Variants in KCNQ4 observed in about 807,000 individuals in gnomAD.
KCNQ4 encodes the protein potassium voltage-gated channel subfamily Q member 4, also known as potassium voltage-gated channel subfamily KQT member 4.
In KCNQ4, 31 loss-of-function variants were observed where a neutral mutation model predicts 72.6. The observed-to-expected ratio is 0.43, with a 90% CI of 0.32 to 0.58. The LOEUF (loss-of-function observed/expected upper bound fraction) is 0.58. KCNQ4 is among the 20% of genes least tolerant of loss of function. The pLI is 0.08. For missense variants in KCNQ4, 869 were observed against 962.6 expected, an observed-to-expected ratio of 0.90 and a Z score of 1.29; for synonymous variants, 405 against 403.7, an observed-to-expected ratio of 1.00 and a Z score of -0.04.
At position 40,838,790 on chromosome 1, in the gene KCNQ4, C is replaced by G; in HGVS notation, c.*267C>G. 1 of 564,606 alleles carries G rather than the reference C, an allele frequency of 1.8e-6. No homozygotes were observed. The highest frequency in any genetic ancestry group is 3.0e-5 in the East Asian group (1 of 33,232). The allele number at this position is 564,606 out of a possible 1,614,324, so 35.0% of individuals were successfully genotyped here. ...GCCTCTGGGCCCCCCAGTGCCCTGCCCACTCCATCAAGGCCCTATGTGGCC... is the reference window on the plus strand; with the variant it reads ...GCCTCTGGGCCCCCCAGTGCCCTGCGCACTCCATCAAGGCCCTATGTGGCC... On this transcript the variant is annotated 3_prime_UTR_variant, in exon 14 of 14. Transcript: ENST00000347132.
At chr1:40,792,763 T>C (rs775771273) in intron 1 of KCNQ4, among the ~76,000 whole-genome samples, 4 of 152,012 alleles carry the variant, frequency 2.6e-5, no homozygotes, top group Middle Eastern at 3.4e-3. Flanking sequence ...TAGGTGGGGG[T>C]ATCAATCCCT....
intron 9 of KCNQ4, among the ~76,000 whole-genome samples, chr1:40,827,469 C>T (rs369564998): frequency 6.6e-6 from 1 of 152,064 alleles, no homozygotes; most frequent in African/African-American, 2.4e-5. Flanking sequence ...CCCAGTTTGG[C>T]CCCCCTGAGA....
Position 40,794,561 on chromosome 1 carries a change from C to T in KCNQ4, c.314+10154C>T, listed in dbSNP as rs560845115. Among the ~76,000 whole-genome samples, 11 of 152,314 alleles carry T rather than the reference C, an allele frequency of 7.2e-5. No individual in the cohort carries two copies. The highest frequency in any genetic ancestry group is 1.9e-4 in the African/African-American group (8 of 41,564). ...CCGAGCTCTAAATGGTTCTCAGCCT[C>T]GCCAGCTGACCCAAGGCAGTTTCCA... On this transcript the variant is annotated intron_variant, in intron 1 of 13. Coordinates refer to ENST00000347132, the MANE Select transcript of KCNQ4 (RefSeq NM_004700.4). This position sits in a 1 kb window ranked among gnomAD's most constrained non-coding sequence, Gnocchi z 4.2.
In KCNQ4 at chr1:40,817,456, G is replaced by A; in HGVS notation, c.405+101G>A. On this transcript the variant is annotated intron_variant, in intron 2 of 13. Coordinates refer to ENST00000347132, the MANE Select transcript of KCNQ4 (RefSeq NM_004700.4). This position sits in a 1 kb window ranked among gnomAD's most constrained non-coding sequence, Gnocchi z 5.5. ...GGGCTGTGTGAGGTAGCACCTCTGG[G>A]CTGGGAGTCCGGGACTGAAGGGGGC... 1 of 822,058 alleles carries A rather than the reference G, an allele frequency of 1.2e-6. No individual in the cohort carries two copies. The highest frequency in any genetic ancestry group is 1.9e-6 in the Non-Finnish European group (1 of 515,074). The allele number at this position is 822,058 out of a possible 1,614,324, so 50.9% of individuals were successfully genotyped here.
chr1:40,813,215 C>CT (rs1647978090), intron 1 of KCNQ4, among the ~76,000 whole-genome samples: 1 of 152,172 alleles, frequency 6.6e-6, no homozygotes, highest in African/African-American at 2.4e-5. Context: ...CTTTCCCTCT[C>CT]TAAGTGCGAT....
chr1:40,815,748 G>A (rs1026729891), intron 1 of KCNQ4, among the ~76,000 whole-genome samples: 2 of 152,176 alleles, frequency 1.3e-5, no homozygotes, highest in African/African-American at 2.4e-5. Context: ...GGAGGTGTAA[G>A]TGAGCCAGGG....
intron 1 of KCNQ4, among the ~76,000 whole-genome samples, chr1:40,789,266 A>G (rs1206334602): frequency 6.6e-6 from 1 of 152,102 alleles, no homozygotes; most frequent in Admixed American, 6.5e-5. Flanking sequence ...AGACACAGAA[A>G]GGGGCAGCTA....
At chr1:40,815,957 G>A (rs1648072752) in intron 1 of KCNQ4, among the ~76,000 whole-genome samples, 1 of 152,216 alleles carries the variant, frequency 6.6e-6, no homozygotes, top group Admixed American at 6.5e-5. Context: ...CATAGAAGGT[G>A]ACTTGGGCCA....
chr1:40,822,537 G>C (rs1236414759), intron 8 of KCNQ4, 135 bp downstream of exon 8: 1 of 688,536 alleles, frequency 1.5e-6, no homozygotes, highest in African/African-American at 1.8e-5. Flanking sequence ...TGGCTCTGCA[G>C]ATCCTATGTA....
intron 9 of KCNQ4, among the ~76,000 whole-genome samples, chr1:40,825,533 C>T (rs1160435879): frequency 1.3e-5 from 2 of 151,782 alleles, no homozygotes; most frequent in Non-Finnish European, 2.9e-5. Context: ...CACTTCTGGG[C>T]CAGGGGCTGA....
intron 1 of KCNQ4, among the ~76,000 whole-genome samples, chr1:40,786,656 G>A (rs1337618552): frequency 6.6e-6 from 1 of 152,210 alleles, no homozygotes; most frequent in Non-Finnish European, 1.5e-5. Flanking sequence ...CTGTGACGTT[G>A]GGTTGATTGC....
Position 40,784,685 on chromosome 1 carries a change from A to C in KCNQ4, c.314+278A>C, listed in dbSNP as rs1398962392. Among the ~76,000 whole-genome samples the C allele has an allele frequency of 6.6e-6, 1 of 152,110 alleles. No homozygotes were observed. On this transcript the variant is annotated intron_variant, in intron 1 of 13. Coordinates refer to ENST00000347132, the MANE Select transcript of KCNQ4 (RefSeq NM_004700.4). This position sits in a 1 kb window ranked among gnomAD's most constrained non-coding sequence, Gnocchi z 4.1. ...CCGCCAATCTCTGCTCCTCTGTCCC[A>C]GGTACTCCCGACCGCCAGCTGCCTC...
chr1:40,829,726 G>A (rs1001450881), intron 9 of KCNQ4, among the ~76,000 whole-genome samples: 2 of 152,192 alleles, frequency 1.3e-5, no homozygotes, highest in South Asian at 2.1e-4. Flanking sequence ...TCTAAGGCTG[G>A]CTGGTACTCT....
chr1:40,804,076 C>T (rs1254102711), intron 1 of KCNQ4, among the ~76,000 whole-genome samples: 1 of 152,208 alleles, frequency 6.6e-6, no homozygotes, highest in African/African-American at 2.4e-5. Flanking sequence ...CTCCCTCCCC[C>T]AATATAGTGC....
intron 3 of KCNQ4, 103 bp from the exon 4 acceptor site, chr1:40,818,402 T>C: frequency 4.2e-6 from 6 of 1,419,594 alleles, no homozygotes; most frequent in African/African-American, 1.4e-5. Flanking sequence ...CAGCGGACCC[T>C]CCCCCTCCCT....
chr1:40,811,646 G>C (rs983143019), intron 1 of KCNQ4, among the ~76,000 whole-genome samples: 4 of 152,184 alleles, frequency 2.6e-5, no homozygotes, highest in Non-Finnish European at 5.9e-5. Context: ...GTCATGGGAT[G>C]GGGAGATGGG....
rs544700623 is a variant in KCNQ4 at position 40,818,041 on chromosome 1, C to T, written c.406-123C>T. The stretch of plus-strand genomic sequence containing the variant: ...CGGAATCGTCAAGTCCAGGAAACTC[C>T]AGGAGAGGGGTCCGAGGAGGCCCTG... On this transcript the variant is annotated intron_variant, in intron 2 of 13. Transcript: ENST00000347132. 8.6e-5 allele frequency: 114 copies of T among 1,330,384 alleles called. No homozygotes were observed. In the South Asian group the frequency reaches 1.0e-3, roughly 12 times the overall value. The allele number at this position is 1,330,384 out of a possible 1,614,324, so 82.4% of individuals were successfully genotyped here.
chr1:40,809,939 C>T (rs1647877102), intron 1 of KCNQ4, among the ~76,000 whole-genome samples: 1 of 152,084 alleles, frequency 6.6e-6, no homozygotes, highest in South Asian at 2.1e-4. Flanking sequence ...GTGGTAGGCA[C>T]CTGTAATCCC....
intron 12 of KCNQ4, among the ~76,000 whole-genome samples, chr1:40,835,300 A>T (rs1318878098): frequency 6.6e-6 from 1 of 152,166 alleles, no homozygotes; most frequent in Non-Finnish European, 1.5e-5. Flanking sequence ...ACCCAACCAT[A>T]GTTTCTCTGT....
Sources: gnomAD v4.1 joint callset for allele counts (sites outside exome capture counted in the v4.1 genomes callset) on GRCh38, gnomAD v4.1.1 for gene constraint, Gnocchi (gnomAD v3.1) non-coding constraint, MANE v1.5 for transcripts, NCBI Gene and HGNC (gene_info 2026-07-23, HGNC 2026-07-21) for gene names.